DMD: variants seen among roughly 807,000 people sequenced by gnomAD.
DMD encodes the protein mutant dystrophin.
DMD carries 63 observed loss-of-function variants against 330.1 expected under a neutral mutation model. The observed-to-expected ratio is 0.19, with a 90% CI of 0.16 to 0.24. The LOEUF (loss-of-function observed/expected upper bound fraction) is 0.24. Ranked by LOEUF, DMD falls within the 10% of genes least tolerant of loss-of-function variation. The pLI, the probability that DMD is intolerant of heterozygous loss-of-function variation, is 1.00. For synonymous variants in DMD, 1,223 were observed against 959.8 expected (o/e 1.27, Z -5.07); for missense variants, 3,344 against 2,684.1 (o/e 1.25, Z -5.43).
rs369933838 is a variant in DMD at position 31,179,422 on chromosome X, G to C, written c.10087-617C>G. Among the ~76,000 whole-genome samples, 11 of 112,403 alleles carry C rather than the reference G, an allele frequency of 9.8e-5. No homozygotes were observed. The East Asian group carries it at 2.8e-3, about 29-fold the overall frequency. ...TTTTGATTTAGAGCATCAGGAGTTGGGGCCTGTGGTTTCACATTTCTAATA... is the reference window on the plus strand; with the variant it reads ...TTTTGATTTAGAGCATCAGGAGTTGCGGCCTGTGGTTTCACATTTCTAATA... On this transcript the variant is annotated intron_variant, in intron 69 of 78. Coordinates refer to ENST00000357033, the MANE Select transcript of DMD (RefSeq NM_004006.3).
intron 3 of DMD, 85 bp downstream of exon 3, chrX:32,849,643 T>C: frequency 2.8e-6 from 2 of 704,043 alleles, no homozygotes; most frequent in Non-Finnish European, 4.5e-6. Flanking sequence ...GTCATTCTAC[T>C]AGATGTCATA....
chrX:33,255,180 A>G (rs1454416616), intron 1 of DMD, among the ~76,000 whole-genome samples: 1 of 111,076 alleles, frequency 9.0e-6, no homozygotes, highest in African/African-American at 3.2e-5. Context: ...AGCAAATGTC[A>G]TTAGTTAAGT....
At chrX:32,675,316 C>T (rs1341062031) in intron 9 of DMD, among the ~76,000 whole-genome samples, 1 of 111,067 alleles carries the variant, frequency 9.0e-6, no homozygotes, top group African/African-American at 3.3e-5. Context: ...CTCTCTCTTC[C>T]ACTCCTGAAA....
intron 44 of DMD, among the ~76,000 whole-genome samples, chrX:32,178,758 G>T (rs1166515179): frequency 1.8e-5 from 2 of 109,162 alleles, no homozygotes; most frequent in African/African-American, 6.7e-5. Context: ...TTAGCATAAG[G>T]TCCTCCAGGT....
chrX:31,185,833 A>G (rs112978631), intron 67 of DMD, among the ~76,000 whole-genome samples: 1 of 111,068 alleles, frequency 9.0e-6, no homozygotes, highest in African/African-American at 3.3e-5. Context: ...AGATAAATAA[A>G]AGCTTGAGCC....
chrX:31,881,144 A>G (rs1225362155), intron 47 of DMD, among the ~76,000 whole-genome samples: 2 of 111,780 alleles, frequency 1.8e-5, no homozygotes, highest in Admixed American at 9.5e-5. Context: ...ATATTTTTGT[A>G]CGGGTGTTCA....
chrX:32,642,733 T>A (rs1222428392), intron 11 of DMD, among the ~76,000 whole-genome samples: 1 of 111,859 alleles, frequency 8.9e-6, no homozygotes, highest in Non-Finnish European at 1.9e-5. Flanking sequence ...CTGATTAGTA[T>A]GAATAATTAA....
At chrX:33,087,116 TGTCA>T (rs1358688424) in intron 1 of DMD, among the ~76,000 whole-genome samples, 3 of 111,638 alleles carry the variant, frequency 2.7e-5, no homozygotes, top group Non-Finnish European at 5.6e-5. Flanking sequence ...GGAGGAAACT[TGTCA>T]GTCAGGAAAG....
intron 9 of DMD, among the ~76,000 whole-genome samples, chrX:32,678,406 T>A (rs954804731): frequency 1.3e-4 from 14 of 111,701 alleles, no homozygotes; most frequent in Admixed American, 1.2e-3. Context: ...GAGCACAATG[T>A]GCAGTAATAT....
At chrX:32,794,015 T>TA (rs2076009443) in intron 7 of DMD, among the ~76,000 whole-genome samples, 2 of 111,041 alleles carry the variant, frequency 1.8e-5, no homozygotes, top group Admixed American at 1.9e-4. Flanking sequence ...CAATAGAACA[T>TA]AAAAAATGTA....
chrX:33,134,514 A>G (rs144649093), intron 1 of DMD, among the ~76,000 whole-genome samples: 294 of 111,813 alleles, frequency 2.6e-3, no homozygotes, highest in African/African-American at 9.1e-3. Flanking sequence ...GAATTTCCTA[A>G]AACATTCAAC....
intron 51 of DMD, among the ~76,000 whole-genome samples, chrX:31,772,453 G>A (rs958433871): frequency 1.8e-5 from 2 of 111,745 alleles, no homozygotes; most frequent in Admixed American, 1.9e-4. Flanking sequence ...ACTCAATATG[G>A]TATTGTAAAA....
chrX:31,221,773 G>C (rs147490656), intron 64 of DMD, among the ~76,000 whole-genome samples: 3,224 of 112,664 alleles, frequency 0.029, 122 homozygotes, highest in African/African-American at 0.099. Context: ...TGTGCCTGTT[G>C]GGCCGGGCGC....
chrX:32,781,074 C>T (rs1318814816), intron 7 of DMD, among the ~76,000 whole-genome samples: 1 of 105,440 alleles, frequency 9.5e-6, no homozygotes, highest in East Asian at 2.9e-4. Flanking sequence ...GCCGAGATCG[C>T]GCCACTGCAC....
At chrX:31,279,375 C>A (rs1895067996) in intron 62 of DMD, among the ~76,000 whole-genome samples, 2 of 112,091 alleles carry the variant, frequency 1.8e-5, no homozygotes, top group African/African-American at 6.5e-5. Context: ...TGATATCTTG[C>A]AACATGGCCA....
At chrX:32,529,081 C>G (rs1187390411) in intron 17 of DMD, among the ~76,000 whole-genome samples, 1 of 106,706 alleles carries the variant, frequency 9.4e-6, no homozygotes, top group Non-Finnish European at 1.9e-5. Context: ...GCCGCCACGT[C>G]TGGCTAATTT....
intron 44 of DMD, among the ~76,000 whole-genome samples, chrX:32,081,071 C>G (rs1282604622): frequency 1.8e-5 from 2 of 111,904 alleles, no homozygotes; most frequent in Non-Finnish European, 3.8e-5. Flanking sequence ...GGAAGTCTAC[C>G]AAGGCAATAT....
At chrX:33,286,476 C>CA (rs1372579616) in intron 1 of DMD, among the ~76,000 whole-genome samples, 18 of 111,860 alleles carry the variant, frequency 1.6e-4, no homozygotes, top group Non-Finnish European at 2.1e-4. Context: ...GAAAATGATT[C>CA]AAATACATGT....
intron 1 of DMD, among the ~76,000 whole-genome samples, chrX:33,272,777 C>G (rs6653896): frequency 0.049 from 5,381 of 110,718 alleles, 256 homozygotes; most frequent in East Asian, 0.24. Flanking sequence ...TGAGACATTA[C>G]TGGGTCAAAT....
Sources: gnomAD v4.1 joint callset for allele counts (sites outside exome capture counted in the v4.1 genomes callset) on GRCh38, gnomAD v4.1.1 for gene constraint, MANE v1.5 for transcripts, NCBI Gene and HGNC (gene_info 2026-07-23, HGNC 2026-07-21) for gene names.